The following TMEM229B variants were observed in gnomAD, a reference collection of about 807,000 sequenced individuals.
TMEM229B encodes the protein chromosome 14 open reading frame 83.
A neutral mutation model predicts 13.7 loss-of-function variants in TMEM229B; 6 were observed. The ratio of observed to expected loss-of-function variants is 0.44; its 90% confidence interval spans 0.24 to 0.86. The LOEUF (loss-of-function observed/expected upper bound fraction) is 0.86, where lower values mean the gene tolerates loss of function less well. Among genes scored for constraint, TMEM229B ranks in the 40% least tolerant of loss-of-function variants. The pLI is 0.23. For missense variants in TMEM229B, 170 were observed against 236.0 expected (o/e 0.72, Z 1.83); for synonymous variants, 107 against 102.1 (o/e 1.05, Z -0.29).
At chr14:67,507,515 C>T (rs2032870364) in intron 1 of TMEM229B, among the ~76,000 whole-genome samples, 1 of 152,004 alleles carries the variant, frequency 6.6e-6, no homozygotes, top group South Asian at 2.1e-4. Context: ...GTGGTGTGGT[C>T]ACAGCTCATT....
At chr14:67,481,781 A>T (rs924818987) in intron 2 of TMEM229B, among the ~76,000 whole-genome samples, 16 of 151,950 alleles carry the variant, frequency 1.1e-4, no homozygotes, top group African/African-American at 3.9e-4. Flanking sequence ...GGCTCCTTCC[A>T]CTAGCTCCTT....
chr14:67,473,976 G>A lies in TMEM229B; in HGVS notation c.-18-35C>T. Reference sequence around the variant, plus strand: ...GCGCAAGAGAGACAGGTGAGGGCCGGGCGCGGTGGCTCACGCCTATAATCC... The same window carrying A: ...GCGCAAGAGAGACAGGTGAGGGCCGAGCGCGGTGGCTCACGCCTATAATCC... On this transcript the variant is annotated intron_variant, in intron 2 of 2. Coordinates refer to ENST00000554480, the MANE Select transcript of TMEM229B (RefSeq NM_001348543.2). This position sits in a 1 kb window ranked among gnomAD's most constrained non-coding sequence, Gnocchi z 6.5. 1 of 1,530,124 alleles carries A rather than the reference G, an allele frequency of 6.5e-7. No individual in the cohort carries two copies. 94.8% of individuals were successfully genotyped at this position (1,530,124 alleles called of 1,614,324 possible). A position where few individuals can be genotyped will look rare whatever the true frequency, so the allele number is the denominator to read the frequency against.
chr14:67,519,156 A>G (rs1310361808), upstream of TMEM229B, among the ~76,000 whole-genome samples: 1 of 152,206 alleles, frequency 6.6e-6, no homozygotes, highest in Admixed American at 6.5e-5. Context: ...CCCTTCTCAA[A>G]ATAGGAAGGA....
At chr14:67,496,208 T>G (rs1198276582) in intron 1 of TMEM229B, among the ~76,000 whole-genome samples, 3 of 151,962 alleles carry the variant, frequency 2.0e-5, no homozygotes, top group Admixed American at 6.6e-5. Flanking sequence ...TTTTTAAAAA[T>G]TTTGTATCTA....
In TMEM229B at chr14:67,472,556, A is replaced by C; in HGVS notation, c.*864T>G. Reference sequence around the variant, plus strand: ...GGGAGGTGTAACTCAGGAACTCCCCAGGCATCAGGCCAGCCGGAACAGTGG... The same window carrying C: ...GGGAGGTGTAACTCAGGAACTCCCCCGGCATCAGGCCAGCCGGAACAGTGG... On this transcript the variant is annotated 3_prime_UTR_variant, in exon 3 of 3. Transcript: ENST00000554480. The C allele has an allele frequency of 6.6e-6, 1 of 152,356 alleles. No homozygotes were observed. 9.4% of individuals were successfully genotyped at this position (152,356 alleles called of 1,614,324 possible).
At chr14:67,502,969 T>C (rs2032672612) in intron 1 of TMEM229B, among the ~76,000 whole-genome samples, 2 of 152,058 alleles carry the variant, frequency 1.3e-5, no homozygotes, top group East Asian at 1.9e-4. Flanking sequence ...CATGGAATAT[T>C]AAAAACTGAA....
rs1231720150 is a variant in TMEM229B at position 67,471,352 on chromosome 14, G to A, written c.*2068C>T. On this transcript the variant is annotated 3_prime_UTR_variant, in exon 3 of 3. Transcript: ENST00000554480. ...GTGTGAAGGTGGGTAGTGTGGTCTA[G>A]GGGCCCACATGGAAGGCCTGAAGGG... 6.6e-6 allele frequency: 1 copy of A among 152,324 alleles called. No individual in the cohort carries two copies. The highest frequency in any genetic ancestry group is 1.9e-4 in the East Asian group (1 of 5,198). The allele number at this position is 152,324 out of a possible 1,614,324, so 9.4% of individuals were successfully genotyped here.
chr14:67,484,957 A>G (rs1335395590), intron 2 of TMEM229B, among the ~76,000 whole-genome samples: 1 of 152,206 alleles, frequency 6.6e-6, no homozygotes, highest in Non-Finnish European at 1.5e-5. Flanking sequence ...ATGGCTGTGT[A>G]ATATTCCAGC....
upstream of TMEM229B, among the ~76,000 whole-genome samples, chr14:67,491,091 A>G (rs1594695701): frequency 6.6e-6 from 1 of 152,202 alleles, no homozygotes; most frequent in East Asian, 1.9e-4. Flanking sequence ...ATACTTCTGA[A>G]CAATTGGTTA....
intron 2 of TMEM229B, among the ~76,000 whole-genome samples, chr14:67,482,896 GTAA>G (rs2031667061): frequency 6.6e-6 from 1 of 152,180 alleles, no homozygotes; most frequent in Non-Finnish European, 1.5e-5. Flanking sequence ...CCAAGTCACA[GTAA>G]TAATAATAAC....
upstream of TMEM229B, among the ~76,000 whole-genome samples, chr14:67,517,053 T>C (rs2033215516): frequency 6.6e-6 from 1 of 152,148 alleles, no homozygotes; most frequent in African/African-American, 2.4e-5. Context: ...TTGCTGGAGA[T>C]AGGTCAGGGA....
rs2030687441 is a variant in TMEM229B, at chr14:67,471,137, C to A, written c.*2283G>T. On this transcript the variant is annotated 3_prime_UTR_variant, in exon 3 of 3. Transcript: ENST00000554480. ...AAACACAATGCTGGATGTTGCCAGG[C>A]ACACAGGCATACCCCCAGGACCTCC... The A allele has an allele frequency of 6.6e-6, 1 of 152,246 alleles. No homozygotes were observed. Among genetic ancestry groups the A allele is most frequent in the Non-Finnish European group, 1.5e-5 (1 of 68,100 alleles). The allele number at this position is 152,246 out of a possible 1,614,324, so 9.4% of individuals were successfully genotyped here. A position where few individuals can be genotyped will look rare whatever the true frequency, so the allele number is the denominator to read the frequency against.
intron 1 of TMEM229B, among the ~76,000 whole-genome samples, chr14:67,509,867 A>AG (rs1345342242): frequency 6.6e-6 from 1 of 152,066 alleles, no homozygotes; most frequent in Non-Finnish European, 1.5e-5. Context: ...CAATTTTAAA[A>AG]GTAGCTAGGT....
intron 1 of TMEM229B, among the ~76,000 whole-genome samples, chr14:67,498,679 T>C (rs1485062269): frequency 6.6e-6 from 1 of 152,214 alleles, no homozygotes; most frequent in African/African-American, 2.4e-5. Flanking sequence ...TTGGTTTTCC[T>C]TTTTAAGACA....
chr14:67,511,131 C>T (rs1352839614), intron 1 of TMEM229B, among the ~76,000 whole-genome samples: 1 of 152,096 alleles, frequency 6.6e-6, no homozygotes, highest in Non-Finnish European at 1.5e-5. Context: ...GACAGGGGTG[C>T]CTCTTAATAA....
intron 1 of TMEM229B, among the ~76,000 whole-genome samples, chr14:67,498,704 C>T (rs1478982469): frequency 5.9e-5 from 9 of 152,168 alleles, no homozygotes; most frequent in Non-Finnish European, 7.4e-5. Context: ...CTCCCTCTGT[C>T]GCCCAGGCTG....
chr14:67,477,230 C>T (rs1248293362), intron 2 of TMEM229B, among the ~76,000 whole-genome samples: 1 of 152,178 alleles, frequency 6.6e-6, no homozygotes, highest in African/African-American at 2.4e-5. Context: ...GCATCCTTGG[C>T]CTGCCATTCA....
At chr14:67,511,232 A>G (rs867779759) in intron 1 of TMEM229B, among the ~76,000 whole-genome samples, 6 of 152,200 alleles carry the variant, frequency 3.9e-5, no homozygotes, top group South Asian at 2.1e-4. Flanking sequence ...ATAATCCAGT[A>G]TGTTCTGAAT....
At chr14:67,499,241 T>G (rs968028355) in intron 1 of TMEM229B, among the ~76,000 whole-genome samples, 17 of 152,122 alleles carry the variant, frequency 1.1e-4, no homozygotes, top group African/African-American at 4.1e-4. Flanking sequence ...TGGCCTCAAG[T>G]GATCCTCCTG....
Sources: gnomAD v4.1 joint callset for allele counts (sites outside exome capture counted in the v4.1 genomes callset) on GRCh38, gnomAD v4.1.1 for gene constraint, Gnocchi (gnomAD v3.1) non-coding constraint, MANE v1.5 for transcripts, NCBI Gene and HGNC (gene_info 2026-07-23, HGNC 2026-07-21) for gene names.